AFG2A: variants seen among roughly 807,000 people sequenced by gnomAD.
AFG2A encodes the protein ATPase family gene 2 protein homolog A.
the AFG2A span, among the ~76,000 whole-genome samples, chr4:123,192,102 C>G: frequency 6.6e-6 from 1 of 151,862 alleles, no homozygotes; most frequent in Non-Finnish European, 1.5e-5. Context: ...TCTTAGCTCA[C>G]TGCAACCTCC....
the AFG2A span, among the ~76,000 whole-genome samples, chr4:123,062,892 G>T: frequency 6.6e-6 from 1 of 152,180 alleles, no homozygotes; most frequent in South Asian, 2.1e-4. Context: ...TATCAAGTTA[G>T]TTGGCATTTC....
chr4:123,026,105 ATGTG>A, the AFG2A span, among the ~76,000 whole-genome samples: 6,077 of 149,186 alleles, frequency 0.041, 377 homozygotes, highest in African/African-American at 0.14. Context: ...GTGTATGTGT[ATGTG>A]TGTGTGTGTG....
chr4:122,925,513 C>T, the AFG2A span, among the ~76,000 whole-genome samples: 1 of 152,148 alleles, frequency 6.6e-6, no homozygotes, highest in Non-Finnish European at 1.5e-5. Flanking sequence ...CACCACTCTG[C>T]CTATACTCTC....
At chr4:123,061,858 G>T in the AFG2A span, among the ~76,000 whole-genome samples, 1 of 152,194 alleles carries the variant, frequency 6.6e-6, no homozygotes, top group African/African-American at 2.4e-5. Context: ...TGCTGAAGTA[G>T]TGTGACCTTC....
the AFG2A span, among the ~76,000 whole-genome samples, chr4:123,131,351 A>G: frequency 3.9e-5 from 6 of 151,986 alleles, no homozygotes; most frequent in Non-Finnish European, 8.8e-5. Context: ...CATAAAAGAT[A>G]CCATCTTAAC....
chr4:122,951,779 T>G, the AFG2A span, among the ~76,000 whole-genome samples: 1 of 152,210 alleles, frequency 6.6e-6, no homozygotes, highest in Non-Finnish European at 1.5e-5. Flanking sequence ...GTGCAAGGAT[T>G]GCCTCGTGAC....
chr4:123,051,354 A>G, the AFG2A span, among the ~76,000 whole-genome samples: 4 of 151,968 alleles, frequency 2.6e-5, no homozygotes, highest in Non-Finnish European at 2.9e-5. Flanking sequence ...TGATTGCAAG[A>G]TAAGAAACAA....
chr4:123,007,582 GTGTGTGTGTGTGTGTGTGTGTGTGTGTA>G, the AFG2A span, among the ~76,000 whole-genome samples: 6,335 of 16,602 alleles, frequency 0.38, 417 homozygotes, highest in African/African-American at 0.45. Flanking sequence ...GTGTGTGTGT[GTGTGTGTGTGTGTGTGTGTGTGTGTGTA>G]TATATATATA....
the AFG2A span, among the ~76,000 whole-genome samples, chr4:123,272,481 C>T: frequency 2.0e-5 from 3 of 152,172 alleles, no homozygotes; most frequent in African/African-American, 4.8e-5. Context: ...GCTTTGCTTA[C>T]AGTCATCTCA....
chr4:123,144,236 C>T, the AFG2A span, among the ~76,000 whole-genome samples: 92,581 of 151,938 alleles, frequency 0.61, 33,057 homozygotes, highest in East Asian at 0.97. Context: ...TTGAAAAGAG[C>T]GTGTTCTCAT....
the AFG2A span, among the ~76,000 whole-genome samples, chr4:123,301,927 C>G: frequency 6.6e-6 from 1 of 152,102 alleles, no homozygotes; most frequent in Non-Finnish European, 1.5e-5. Context: ...CCACCCCCAC[C>G]AAATATGCCA....
At chr4:122,965,367 G>T in the AFG2A span, among the ~76,000 whole-genome samples, 517 of 152,256 alleles carry the variant, frequency 3.4e-3, 3 homozygotes, top group Middle Eastern at 0.014. Flanking sequence ...AAGAGCATGG[G>T]TTTAGAATAA....
At chr4:122,925,847 C>T in the AFG2A span, among the ~76,000 whole-genome samples, 1 of 152,160 alleles carries the variant, frequency 6.6e-6, no homozygotes, top group African/African-American at 2.4e-5. Flanking sequence ...AAGTGCCTAG[C>T]ATAGTATCTT....
chr4:123,292,901 C>T, the AFG2A span, among the ~76,000 whole-genome samples: 1 of 152,130 alleles, frequency 6.6e-6, no homozygotes, highest in Non-Finnish European at 1.5e-5. Flanking sequence ...ATGCAATACC[C>T]CAGTGGTGGA....
At chr4:122,939,052 C>G in the AFG2A span, among the ~76,000 whole-genome samples, 30 of 141,668 alleles carry the variant, frequency 2.1e-4, no homozygotes, top group African/African-American at 7.8e-4. Flanking sequence ...TTACCAGATT[C>G]TCTCATAGGG....
chr4:123,182,587 A>G, the AFG2A span, among the ~76,000 whole-genome samples: 1 of 152,176 alleles, frequency 6.6e-6, no homozygotes, highest in Admixed American at 6.5e-5. Flanking sequence ...TTTTGTGCTT[A>G]AAGTATAAAA....
At chr4:123,037,718 T>A in the AFG2A span, among the ~76,000 whole-genome samples, 1 of 152,104 alleles carries the variant, frequency 6.6e-6, no homozygotes, top group Non-Finnish European at 1.5e-5. Context: ...CAGAAATACA[T>A]TTGAATTTGA....
chr4:123,141,656 G>T, the AFG2A span, among the ~76,000 whole-genome samples: 1 of 152,062 alleles, frequency 6.6e-6, no homozygotes, highest in Non-Finnish European at 1.5e-5. Context: ...GAGCTTGATG[G>T]GTTTATCAGA....
chr4:123,036,177 G>A, the AFG2A span, among the ~76,000 whole-genome samples: 2 of 152,178 alleles, frequency 1.3e-5, no homozygotes, highest in African/African-American at 2.4e-5. Flanking sequence ...TCCTCGTTAT[G>A]TATCAACTCA....
Sources: gnomAD v4.1 joint callset for allele counts (sites outside exome capture counted in the v4.1 genomes callset) on GRCh38, gnomAD v4.1.1 for gene constraint, MANE v1.5 for transcripts, NCBI Gene and HGNC (gene_info 2026-07-23, HGNC 2026-07-21) for gene names.